PSME4: variants seen among roughly 807,000 people sequenced by gnomAD.
PSME4 encodes the protein proteasome activator subunit 4.
In PSME4, 89 loss-of-function variants were observed where a neutral mutation model predicts 253.9. The ratio of observed to expected loss-of-function variants is 0.35; its 90% confidence interval spans 0.30 to 0.42. PSME4 has a LOEUF of 0.42. Among genes scored for constraint, PSME4 ranks in the 10% least tolerant of loss-of-function variants. PSME4 has a pLI of 1.00. For missense variants in PSME4, 2,014 were observed against 2,195.2 expected, an observed-to-expected ratio of 0.92 and a Z score of 1.65; for synonymous variants, 851 against 759.2, an observed-to-expected ratio of 1.12 and a Z score of -1.99.
intron 1 of PSME4, among the ~76,000 whole-genome samples, chr2:53,956,657 C>T (rs753778561): frequency 1.1e-4 from 17 of 151,850 alleles, no homozygotes; most frequent in Admixed American, 9.2e-4. Context: ...ACTGCAACGT[C>T]CGCCTCCCAA....
chr2:53,921,672 T>C (rs1668326063), intron 17 of PSME4, among the ~76,000 whole-genome samples: 1 of 133,648 alleles, frequency 7.5e-6, no homozygotes, highest in Admixed American at 7.5e-5. Context: ...ATCGAGACCA[T>C]CCCGGCTAAA....
Position 53,892,887 on chromosome 2 carries a change from G to A in PSME4, c.4112C>T (p.Ser1371Leu). 1 of 1,613,840 alleles carries A rather than the reference G, an allele frequency of 6.2e-7. No homozygotes were observed. Among genetic ancestry groups the A allele is most frequent in the Non-Finnish European group, 8.5e-7 (1 of 1,179,864 alleles). The change falls in exon 36 of 47, where the codon TCA becomes TTA. Residue 1371 changes from serine to leucine, a missense_variant. Around this residue, in one of 4 missense-constraint regions of PSME4, gnomAD observed 989 missense variants for 1,021.1 expected, o/e 0.97. Transcript: ENST00000404125. ...KPHLEHLVAD[S>L]HESTQRCVAE... ...AACACATCGCTGGGTGCTTTCATGT[G>A]AATCTGCAACCAAATGTTCTAAATG...
At chr2:53,956,703 G>C (rs1216886472) in intron 1 of PSME4, among the ~76,000 whole-genome samples, 3 of 151,724 alleles carry the variant, frequency 2.0e-5, no homozygotes, top group South Asian at 4.2e-4. Flanking sequence ...CTCCCAAGTA[G>C]CTGGAATTAC....
Position 53,970,779 on chromosome 2 carries a change from C to T in PSME4, c.6G>A (p.Glu2=). The T allele has an allele frequency of 6.5e-7, 1 of 1,541,112 alleles. No homozygotes were observed. Among genetic ancestry groups the T allele is most frequent in the African/African-American group, 1.4e-5 (1 of 72,748 alleles). The change falls in exon 1 of 47, where the codon GAG becomes GAA. Residue 2 remains glutamate, a synonymous_variant. Coordinates refer to ENST00000404125, the MANE Select transcript of PSME4 (RefSeq NM_014614.3). The part of the protein sequence containing the change: M[E]PAERAGVGEP... ...CTCCGACTCCCGCCCGCTCGGCCGGCTCCATGAGCCCAGGGACACCCCCCC... is the reference window on the plus strand; with the variant it reads ...CTCCGACTCCCGCCCGCTCGGCCGGTTCCATGAGCCCAGGGACACCCCCCC...
chr2:53,866,597 T>C, intron 45 of PSME4, 150 bp downstream of exon 45: 1 of 854,864 alleles, frequency 1.2e-6, no homozygotes, highest in Non-Finnish European at 1.7e-6. Flanking sequence ...TCTGTAATTT[T>C]TTAATAATTA....
chr2:53,869,487 G>C lies in PSME4; in HGVS notation c.5152C>G (p.Leu1718Val), dbSNP rs551334507. ...ATCTGCATAGGACTGTCCATGGTAA[G>C]AAAGTTACACTGTAGCAGACCGCTT... ...TLSGLLQCNF[L>V]TMDSPMQIHF... Residue 1718 changes from leucine (L) to valine (V), a missense_variant, in exon 44 of 47, where the codon CTT becomes GTT. By Grantham distance (32) the Leu-to-Val change is conservative. Around this residue, in one of 4 missense-constraint regions of PSME4, gnomAD observed 403 missense variants for 556.1 expected, o/e 0.72. Transcript: ENST00000404125. 61 of 1,589,008 alleles carry C rather than the reference G, an allele frequency of 3.8e-5. 1 individual carries two copies. In the East Asian group the frequency reaches 1.3e-3, roughly 33 times the overall value.
At chr2:53,964,694 C>T (rs1670635021) in intron 1 of PSME4, among the ~76,000 whole-genome samples, 1 of 152,180 alleles carries the variant, frequency 6.6e-6, no homozygotes, top group Non-Finnish European at 1.5e-5. Context: ...GTTAGCATTT[C>T]CTTTCTTTCC....
At chr2:53,969,091 C>A (rs1670891118) in intron 1 of PSME4, among the ~76,000 whole-genome samples, 1 of 152,168 alleles carries the variant, frequency 6.6e-6, no homozygotes, top group African/African-American at 2.4e-5. Context: ...CTGAGCAACA[C>A]AAAAACCTAG....
In PSME4 at chr2:53,943,984, C is replaced by T. The variant is rs572788699; in HGVS notation, c.501-3984G>A. On this transcript the variant is annotated intron_variant, in intron 3 of 46. Coordinates refer to ENST00000404125, the MANE Select transcript of PSME4 (RefSeq NM_014614.3). ...CAAGGGTTAGGAAATTATAATAATC[C>T]TTACCACTCATGTAAAAAGAGCATA... 4.0e-3 allele frequency among the ~76,000 whole-genome samples: 601 copies of T among 151,834 alleles called. 1 individual carries two copies. Among genetic ancestry groups the T allele is most frequent in the Non-Finnish European group, 6.6e-3 (447 of 67,978 alleles).
chr2:53,942,956 C>T (rs1669520974), intron 3 of PSME4, among the ~76,000 whole-genome samples: 1 of 152,136 alleles, frequency 6.6e-6, no homozygotes. Flanking sequence ...CCTTATGATG[C>T]CATTAACAAA....
At chr2:53,903,475 T>G (rs1185454789) in intron 27 of PSME4, among the ~76,000 whole-genome samples, 1 of 152,218 alleles carries the variant, frequency 6.6e-6, no homozygotes. Flanking sequence ...CTATACTTTA[T>G]TACATCCCCA....
intron 4 of PSME4, 106 bp from the exon 5 acceptor site, chr2:53,937,646 C>T (rs1669185776): frequency 9.8e-7 from 1 of 1,017,978 alleles, no homozygotes; most frequent in African/African-American, 1.6e-5. Context: ...GAATATATGT[C>T]ATAGCATGTA....
intron 27 of PSME4, among the ~76,000 whole-genome samples, chr2:53,902,370 T>C (rs966530534): frequency 2.6e-5 from 4 of 152,190 alleles, no homozygotes; most frequent in Non-Finnish European, 2.9e-5. Context: ...CAGGTATCCT[T>C]TGATGACAGC....
intron 4 of PSME4, 25 bp from the exon 5 acceptor site, chr2:53,937,565 G>A (rs1669181170): frequency 6.2e-7 from 1 of 1,600,124 alleles, no homozygotes; most frequent in Admixed American, 1.8e-5. Flanking sequence ...AGGTTTTCAT[G>A]TATCTGATTA....
At chr2:53,888,143 T>G in intron 38 of PSME4, 154 bp from the exon 39 acceptor site, 2 of 643,234 alleles carry the variant, frequency 3.1e-6, no homozygotes. Flanking sequence ...AGCCTCTTTA[T>G]GAAGATTTTA....
At chr2:53,918,676 A>C (rs867679285) in intron 20 of PSME4, among the ~76,000 whole-genome samples, 1 of 152,190 alleles carries the variant, frequency 6.6e-6, no homozygotes, top group Admixed American at 6.5e-5. Flanking sequence ...CAACGGATTC[A>C]ATTTAGCTAT....
At chr2:53,957,862 T>C (rs937696617) in intron 1 of PSME4, among the ~76,000 whole-genome samples, 5 of 152,184 alleles carry the variant, frequency 3.3e-5, no homozygotes, top group African/African-American at 4.8e-5. Context: ...TAACAAAATA[T>C]TGTGTGAGAC....
intron 27 of PSME4, among the ~76,000 whole-genome samples, chr2:53,902,973 T>G (rs1274812814): frequency 6.6e-6 from 1 of 152,194 alleles, no homozygotes; most frequent in East Asian, 1.9e-4. Flanking sequence ...CACTGAGTCT[T>G]CCTTCTAGAA....
chr2:53,906,967 T>G (rs1020014372), intron 24 of PSME4, 99 bp from the exon 25 acceptor site: 12 of 997,914 alleles, frequency 1.2e-5, no homozygotes, highest in Non-Finnish European at 1.8e-5. Context: ...AAAAGGTCCC[T>G]GGTTGACTGG....
Sources: allele counts gnomAD v4.1 joint callset (sites outside exome capture counted in the v4.1 genomes callset), GRCh38; gene constraint gnomAD v4.1.1; regional missense constraint gnomAD v4.1.1; transcripts MANE v1.5; gene names NCBI Gene and HGNC (gene_info 2026-07-23, HGNC 2026-07-21).